Variants in CFAP95 observed in about 807,000 individuals in gnomAD.
CFAP95 encodes the protein cilia and flagella associated protein 95.
chr9:69,845,558 A>G, the CFAP95 span, among the ~76,000 whole-genome samples: 71 of 152,330 alleles, frequency 4.7e-4, no homozygotes, highest in African/African-American at 1.7e-3. Context: ...TCCATTCTGC[A>G]AGGTAATGAG....
the CFAP95 span, among the ~76,000 whole-genome samples, chr9:69,881,242 A>C: frequency 5.3e-5 from 8 of 152,230 alleles, no homozygotes; most frequent in South Asian, 1.7e-3. Flanking sequence ...CTTTGCCCAG[A>C]CCAATGTCCT....
At chr9:69,888,121 A>G in the CFAP95 span, among the ~76,000 whole-genome samples, 1 of 152,264 alleles carries the variant, frequency 6.6e-6, no homozygotes, top group Non-Finnish European at 1.5e-5. Context: ...TAAGTTTAAT[A>G]TAATGAAATT....
the CFAP95 span, among the ~76,000 whole-genome samples, chr9:69,832,359 A>G: frequency 6.6e-6 from 1 of 152,348 alleles, no homozygotes; most frequent in African/African-American, 2.4e-5. Flanking sequence ...TATAATAAAC[A>G]TAAGTAATTT....
the CFAP95 span, among the ~76,000 whole-genome samples, chr9:69,895,385 G>GTGTGTGTGTGTT: frequency 6.6e-6 from 1 of 151,178 alleles, no homozygotes. Context: ...GTGTGTGTGT[G>GTGTGTGTGTGTT]TGTGTGTGTG....
the CFAP95 span, among the ~76,000 whole-genome samples, chr9:69,833,918 A>G: frequency 6.6e-6 from 1 of 152,154 alleles, no homozygotes; most frequent in Non-Finnish European, 1.5e-5. Flanking sequence ...CTGAAACCAA[A>G]AGACTTTGTA....
At chr9:69,845,229 G>A in the CFAP95 span, among the ~76,000 whole-genome samples, 1 of 152,166 alleles carries the variant, frequency 6.6e-6, no homozygotes, top group East Asian at 1.9e-4. Context: ...ATTGAGGTGA[G>A]TGCGTTACTG....
At chr9:69,876,982 C>A in the CFAP95 span, among the ~76,000 whole-genome samples, 2 of 152,152 alleles carry the variant, frequency 1.3e-5, no homozygotes, top group African/African-American at 4.8e-5. Flanking sequence ...TATGACTTTT[C>A]TGAAAACTTT....
the CFAP95 span, among the ~76,000 whole-genome samples, chr9:69,822,770 G>A: frequency 1.3e-5 from 2 of 152,244 alleles, no homozygotes; most frequent in African/African-American, 4.8e-5. Context: ...GAGAAGGATA[G>A]TGGAACGCTG....
the CFAP95 span, chr9:69,844,547 T>G: frequency 6.2e-7 from 1 of 1,609,458 alleles, no homozygotes; most frequent in Non-Finnish European, 8.5e-7. Flanking sequence ...TTCCCAAAGG[T>G]TATGATATAG....
chr9:69,857,724 T>A, the CFAP95 span, among the ~76,000 whole-genome samples: 2 of 152,108 alleles, frequency 1.3e-5, no homozygotes, highest in South Asian at 2.1e-4. Context: ...GACTGGGTTT[T>A]ACCATGTTGC....
At chr9:69,856,830 CTGTT>C in the CFAP95 span, among the ~76,000 whole-genome samples, 2 of 151,696 alleles carry the variant, frequency 1.3e-5, no homozygotes, top group Admixed American at 6.6e-5. Context: ...GCTGTTCTCT[CTGTT>C]TGGGAGTTTC....
the CFAP95 span, among the ~76,000 whole-genome samples, chr9:69,861,744 A>C: frequency 9.9e-5 from 15 of 151,158 alleles, no homozygotes; most frequent in East Asian, 1.4e-3. Context: ...AAAAAAAAAA[A>C]AAAAAAAAAC....
chr9:69,857,967 T>C, the CFAP95 span: 70 of 1,613,850 alleles, frequency 4.3e-5, no homozygotes, highest in Admixed American at 1.0e-4. Flanking sequence ...TCCACCGGAT[T>C]GGAGCAAAAT....
the CFAP95 span, among the ~76,000 whole-genome samples, chr9:69,828,610 G>A: frequency 6.6e-6 from 1 of 152,208 alleles, no homozygotes; most frequent in Non-Finnish European, 1.5e-5. Context: ...TGGAGCATGG[G>A]AGGCAGAGGT....
chr9:69,847,818 A>C, the CFAP95 span, among the ~76,000 whole-genome samples: 2 of 152,132 alleles, frequency 1.3e-5, no homozygotes, highest in African/African-American at 2.4e-5. Flanking sequence ...CTTGTCCTTA[A>C]ATGCTGCTGC....
chr9:69,843,655 T>A, the CFAP95 span, among the ~76,000 whole-genome samples: 1 of 140,608 alleles, frequency 7.1e-6, no homozygotes, highest in Non-Finnish European at 1.5e-5. Flanking sequence ...TCTTTCTTCT[T>A]CTTTTTTGAG....
the CFAP95 span, among the ~76,000 whole-genome samples, chr9:69,875,220 T>TG: frequency 6.6e-6 from 1 of 152,124 alleles, no homozygotes; most frequent in Non-Finnish European, 1.5e-5. Context: ...GGATTTTTTT[T>TG]TTAAGGGGGT....
At chr9:69,890,608 T>A in the CFAP95 span, among the ~76,000 whole-genome samples, 2 of 152,214 alleles carry the variant, frequency 1.3e-5, no homozygotes, top group Non-Finnish European at 2.9e-5. Flanking sequence ...AAGGAGAGAA[T>A]ATTTTCTTGC....
chr9:69,865,477 C>T, the CFAP95 span, among the ~76,000 whole-genome samples: 2 of 152,090 alleles, frequency 1.3e-5, no homozygotes, highest in African/African-American at 4.8e-5. Flanking sequence ...TTCTTTTGGA[C>T]AACATCCTCT....
Sources: allele counts gnomAD v4.1 joint callset (sites outside exome capture counted in the v4.1 genomes callset), GRCh38; gene constraint gnomAD v4.1.1; transcripts MANE v1.5; gene names NCBI Gene and HGNC (gene_info 2026-07-23, HGNC 2026-07-21).